The following ROBO4 variants were observed in gnomAD, a reference collection of about 807,000 sequenced individuals.
The protein encoded by ROBO4 is roundabout guidance receptor 4, also known as roundabout homolog 4.
ROBO4 carries 80 observed loss-of-function variants against 103.3 expected under a neutral mutation model. The ratio of observed to expected loss-of-function variants is 0.77; its 90% CI spans 0.65 to 0.93. The LOEUF is 0.93. Among genes scored for constraint, ROBO4 ranks in the 40% least tolerant of loss-of-function variants. ROBO4 has a pLI of 0.00. For synonymous variants in ROBO4, 504 were observed against 529.7 expected, an observed-to-expected ratio of 0.95 and a Z score of 0.67; for missense variants, 1,333 against 1,305.3, an observed-to-expected ratio of 1.02 and a Z score of -0.33.
Position 124,893,671 on chromosome 11 carries a change from C to T in ROBO4, c.1547+17G>A. The T allele has an allele frequency of 1.9e-6, 3 of 1,613,138 alleles. No homozygotes were observed. The highest frequency in any genetic ancestry group is 2.5e-6 in the Non-Finnish European group (3 of 1,179,108). On this transcript the variant is annotated intron_variant, in intron 10 of 17. Transcript: ENST00000306534. The stretch of plus-strand genomic sequence containing the variant: ...TGCCACCCTCCCTTACTTCAGACCT[C>T]CCCTTTCACCTCTCACCTGTGTTTT...
At chr11:124,896,869 C>T in intron 2 of ROBO4, 63 bp downstream of exon 2, 1 of 1,565,552 alleles carries the variant, frequency 6.4e-7, no homozygotes, top group Non-Finnish European at 8.6e-7. Context: ...TTCCCTTGAA[C>T]ATTCAGCTCA....
chr11:124,895,879 A>G lies in ROBO4; in HGVS notation c.713T>C (p.Leu238Pro), dbSNP rs1446614640. Residue 238 changes from leucine (L) to proline (P), a missense_variant, in exon 5 of 18, where the codon CTG (leucine) becomes CCG (proline). By Grantham distance (98) the Leu-to-Pro change is moderately conservative (BLOSUM62 -3). Coordinates refer to ENST00000306534, the MANE Select transcript of ROBO4 (RefSeq NM_019055.6). Reference sequence around the variant, plus strand: ...ATTTTCCAGCTGAATTCGCACAGCCAGAAGCTCCACAGGCTCCGTGTAGTC... The same window carrying G: ...ATTTTCCAGCTGAATTCGCACAGCCGGAAGCTCCACAGGCTCCGTGTAGTC... ...PQDYTEPVEL[L>P]AVRIQLENVT... 8.7e-6 allele frequency: 14 copies of G among 1,614,110 alleles called. No individual in the cohort carries two copies. Among genetic ancestry groups the G allele is most frequent in the Non-Finnish European group, 1.1e-5 (13 of 1,180,012 alleles).
chr11:124,896,461 A>G, intron 3 of ROBO4, 52 bp downstream of exon 3: 1 of 1,601,832 alleles, frequency 6.2e-7, no homozygotes, highest in South Asian at 1.1e-5. Flanking sequence ...ATCAGGGTGT[A>G]CCCAGGTCTG....
At chr11:124,889,708 A>G (rs1004419812) in intron 12 of ROBO4, among the ~76,000 whole-genome samples, 1 of 152,170 alleles carries the variant, frequency 6.6e-6, no homozygotes, top group Non-Finnish European at 1.5e-5. Context: ...ACTAAGGCCA[A>G]ATAATAAGAA....
rs1946887135 is a variant in ROBO4 at position 124,896,208 on chromosome 11, A to C, written c.669T>G (p.Val223=). ...AGHRESRAAR[V]SIQEPQDYTE... ...CACCCCTGCCCTTACCCTGGATGGA[A>C]ACCCGGGCTGCGCGGCTCTCCCTAT... Residue 223 remains valine (V), a synonymous_variant, in exon 4 of 18, where the codon GTT becomes GTG. Transcript: ENST00000306534. 6 of 1,613,740 alleles carry C rather than the reference A, an allele frequency of 3.7e-6. No individual in the cohort carries two copies. The highest frequency in any genetic ancestry group is 5.1e-6 in the Non-Finnish European group (6 of 1,179,926).
At position 124,895,157 on chromosome 11, in the gene ROBO4, G is replaced by A. The variant is rs905457845; in HGVS notation, c.1073C>T (p.Pro358Leu). Residue 358 changes from proline (P) to leucine (L), a missense_variant, in exon 7 of 18, where the codon CCT becomes CTT. Physicochemically the swap from Pro to Leu is moderately conservative, Grantham distance 98. Coordinates refer to ENST00000306534, the MANE Select transcript of ROBO4 (RefSeq NM_019055.6). ...SAPPQEVTLKPGNGTVFVSWV... is the reference protein window; with the variant it reads ...SAPPQEVTLKLGNGTVFVSWV... The stretch of plus-strand genomic sequence containing the variant: ...GCTCACAAAGACAGTGCCATTGCCA[G>A]GCTTTAGAGTCACTTCCTGAGGTGG... The A allele has an allele frequency of 1.2e-6, 2 of 1,614,058 alleles. No individual in the cohort carries two copies. Among genetic ancestry groups the A allele is most frequent in the South Asian group, 1.1e-5 (1 of 91,082 alleles).
intron 12 of ROBO4, among the ~76,000 whole-genome samples, chr11:124,889,700 T>C (rs971508184): frequency 6.6e-6 from 1 of 151,916 alleles, no homozygotes; most frequent in African/African-American, 2.4e-5. Flanking sequence ...AAACCCCAAC[T>C]AAGGCCAAAT....
At chr11:124,893,511 G>C (rs1424116653) in intron 10 of ROBO4, among the ~76,000 whole-genome samples, 177 bp downstream of exon 10, 3 of 152,206 alleles carry the variant, frequency 2.0e-5, no homozygotes, top group Admixed American at 6.5e-5. Context: ...CTGTCAAGTG[G>C]TGTGATAGGA....
chr11:124,894,537 C>G, intron 7 of ROBO4, 168 bp from the exon 8 acceptor site: 1 of 621,106 alleles, frequency 1.6e-6, no homozygotes, highest in East Asian at 2.8e-5. Context: ...GTGAGAGATA[C>G]CTCTCTCTAG....
chr11:124,893,704 C>T lies in ROBO4; in HGVS notation c.1531G>A (p.Ala511Thr), dbSNP rs1333624680. 3.1e-6 allele frequency: 5 copies of T among 1,614,110 alleles called. No individual in the cohort carries two copies. Among genetic ancestry groups the T allele is most frequent in the Non-Finnish European group, 4.2e-6 (5 of 1,179,998 alleles). The change falls in exon 10 of 18, where the codon GCC (alanine) becomes ACC (threonine). Residue 511 changes from alanine to threonine, a missense_variant. Coordinates refer to ENST00000306534, the MANE Select transcript of ROBO4 (RefSeq NM_019055.6). ...ACCTCTCACCTGTGTTTTAGGATGG[C>T]ATCCTCACTGGTATATCTGTACAGA... ...PGLYRYTSED[A>T]ILKHRMDHSD...
intron 12 of ROBO4, 52 bp from the exon 13 acceptor site, chr11:124,887,892 C>T (rs745733396): frequency 6.9e-7 from 1 of 1,445,356 alleles, no homozygotes; most frequent in South Asian, 1.2e-5. Context: ...TTTTCAGACC[C>T]CAGCTGCTGG....
intron 16 of ROBO4, 149 bp downstream of exon 16, chr11:124,886,315 A>C: frequency 1.5e-6 from 1 of 647,610 alleles, no homozygotes; most frequent in Non-Finnish European, 2.7e-6. Flanking sequence ...TAGACTTTCA[A>C]TATTAAATGT....
At position 124,886,447 on chromosome 11, in the gene ROBO4, G is replaced by A. The variant is rs1312691959; in HGVS notation, c.2794+17C>T. The stretch of plus-strand genomic sequence containing the variant: ...AAGGGGCATGAGTGAGGAGTAAGAT[G>A]GGGAGACCTCACATACCTATGAAGA... On this transcript the variant is annotated intron_variant, in intron 16 of 17. Coordinates refer to ENST00000306534, the MANE Select transcript of ROBO4 (RefSeq NM_019055.6). 6.3e-7 allele frequency: 1 copy of A among 1,581,922 alleles called. No individual in the cohort carries two copies. The highest frequency in any genetic ancestry group is 8.7e-7 in the Non-Finnish European group (1 of 1,153,102).
Position 124,887,165 on chromosome 11 carries a change from G to T in ROBO4, c.2247C>A (p.Ala749=). ...QAPSSILLPA[A]PIPILSPCSP... is the part of the protein sequence containing the mutation. ...TGCAGGGGCTAAGGATGGGGATGGG[G>T]GCTGCTGGCAGCAGGATGGAGGAGG... The change falls in exon 15 of 18, where the codon GCC becomes GCA. Residue 749 remains alanine (A), a synonymous_variant. Coordinates refer to ENST00000306534, the MANE Select transcript of ROBO4 (RefSeq NM_019055.6). 6 of 1,606,434 alleles carry T rather than the reference G, an allele frequency of 3.7e-6. No homozygotes were observed. The highest frequency in any genetic ancestry group is 5.1e-6 in the Non-Finnish European group (6 of 1,175,462).
Position 124,897,138 on chromosome 11 carries a change from C to A in ROBO4, c.194G>T (p.Trp65Leu), listed in dbSNP as rs1283483071. 1.9e-6 allele frequency: 3 copies of A among 1,568,302 alleles called. No individual in the cohort carries two copies. The highest frequency in any genetic ancestry group is 1.4e-5 in the African/African-American group (1 of 74,068). The change falls in exon 2 of 18, where the codon TGG becomes TTG. Residue 65 changes from tryptophan to leucine, a missense_variant. Coordinates refer to ENST00000306534, the MANE Select transcript of ROBO4 (RefSeq NM_019055.6). Reference protein sequence around the residue: ...ASGQPPPTIRWLLNGQPLSMV... With the variant: ...ASGQPPPTIRLLLNGQPLSMV... ...GCTCAGGGGCTGCCCATTCAGCAAC[C>A]AGCGGATGGTGGGAGGTGGCTGGCC... is the stretch of plus-strand genomic sequence containing the variant.
intron 13 of ROBO4, 40 bp from the exon 14 acceptor site, chr11:124,887,539 C>A: frequency 6.2e-7 from 1 of 1,611,668 alleles, no homozygotes; most frequent in South Asian, 1.1e-5. Flanking sequence ...AGTGGCATCC[C>A]CATCTGCTCT....
At chr11:124,894,155 G>A (rs553912942) in intron 8 of ROBO4, 46 bp downstream of exon 8, 14 of 1,571,300 alleles carry the variant, frequency 8.9e-6, no homozygotes, top group South Asian at 8.2e-5. Flanking sequence ...GAGGAAGGCG[G>A]GATGCAGGCT....
rs1345012294 is a variant in ROBO4, at chr11:124,885,203, G to C, written c.2839C>G (p.Pro947Ala). ...PSPRDEIFLTPNLSLPLWEWR... is the reference protein window; with the variant it reads ...PSPRDEIFLTANLSLPLWEWR... ...TCCCACAGGGGCAGGGAGAGGTTGG[G>C]GGTCAGGAAGATCTCATCCCGTGGG... Residue 947 changes from proline to alanine, a missense_variant, in exon 17 of 18, where the codon CCC (proline) becomes GCC (alanine). By Grantham distance (27) the Pro-to-Ala change is conservative. Coordinates refer to ENST00000306534, the MANE Select transcript of ROBO4 (RefSeq NM_019055.6). The C allele has an allele frequency of 2.5e-6, 4 of 1,613,654 alleles. No individual in the cohort carries two copies. In the South Asian group the frequency reaches 4.4e-5, roughly 18 times the overall value.
chr11:124,891,039 T>C (rs751821152), intron 12 of ROBO4, among the ~76,000 whole-genome samples: 3 of 152,186 alleles, frequency 2.0e-5, no homozygotes, highest in African/African-American at 7.2e-5. Flanking sequence ...CTGAGTTGAA[T>C]TGAGTGCAGA....
Sources: gnomAD v4.1 joint callset for allele counts (sites outside exome capture counted in the v4.1 genomes callset) on GRCh38, gnomAD v4.1.1 for gene constraint, MANE v1.5 for transcripts, NCBI Gene and HGNC (gene_info 2026-07-23, HGNC 2026-07-21) for gene names.